Variants in KLF11 observed in about 807,000 individuals in gnomAD.
KLF11 encodes KLF transcription factor 11, also known as Krueppel-like factor 11.
In KLF11, 26 loss-of-function variants were observed where a neutral mutation model predicts 29.9. The observed-to-expected ratio is 0.87, with a 90% CI of 0.64 to 1.21. The LOEUF is 1.21. Ranked by LOEUF, KLF11 falls within the 50% of genes most tolerant of loss-of-function variation. The pLI is 0.00. For synonymous variants in KLF11, 318 were observed against 257.4 expected (o/e 1.24, Z -2.25); for missense variants, 778 against 665.7 (o/e 1.17, Z -1.86).
rs760532169 is a variant in KLF11, at chr2:10,047,632, T to A, written c.313-18T>A. The A allele has an allele frequency of 6.3e-7, 1 of 1,596,582 alleles. No individual in the cohort carries two copies. Among genetic ancestry groups the A allele is most frequent in the Non-Finnish European group, 8.6e-7 (1 of 1,166,108 alleles). On this transcript the variant is annotated intron_variant, in intron 2 of 3. Transcript: ENST00000305883. ...TAAAATTTAAAGCAACCTTTTAACATGGTACTTTTTTTTTTAGTGCATAAC... is the reference window on the plus strand; with the variant it reads ...TAAAATTTAAAGCAACCTTTTAACAAGGTACTTTTTTTTTTAGTGCATAAC...
In KLF11 at chr2:10,048,315, A is replaced by G; in HGVS notation, c.978A>G (p.Gln326=). ...TAGCTCAGGCTGCTCCAGCGCCTCA[A>G]CCTGTGTTCGTGGGACCTGCTGTGC... ...PILAQAAPAP[Q]PVFVGPAVPQ... Residue 326 remains glutamine (Q), a synonymous_variant, in exon 3 of 4, where the codon CAA becomes CAG. Transcript: ENST00000305883. 1 of 1,600,562 alleles carries G rather than the reference A, an allele frequency of 6.2e-7. No homozygotes were observed. Among genetic ancestry groups the G allele is most frequent in the East Asian group, 2.2e-5 (1 of 44,730 alleles).
intron 1 of KLF11, chr2:10,044,024 C>A: frequency 1.4e-6 from 1 of 722,996 alleles, no homozygotes; most frequent in Non-Finnish European, 1.7e-6. Context: ...GCCCCGCTGG[C>A]CCCGCGGCTA....
chr2:10,050,078 T>G (rs1013707174), intron 3 of KLF11, among the ~76,000 whole-genome samples: 1 of 152,236 alleles, frequency 6.6e-6, no homozygotes, highest in Non-Finnish European at 1.5e-5. Context: ...CTGCAGTGAT[T>G]GAAACAAGTT....
At chr2:10,051,302 A>C (rs1290574257) in intron 3 of KLF11, among the ~76,000 whole-genome samples, 4 of 151,616 alleles carry the variant, frequency 2.6e-5, no homozygotes, top group African/African-American at 9.7e-5. Flanking sequence ...TCCGCCTCCC[A>C]GGTTCAAGCG....
rs1424582541 is a variant in KLF11 at position 10,054,164 on chromosome 2, C to T, written c.*1657C>T. ...ACTCCATAGGTGAGTGTCGTGTCTT[C>T]GTGAGACAGCACAGTTGTCTCATGT... is the stretch of plus-strand genomic sequence containing the variant. On this transcript the variant is annotated 3_prime_UTR_variant, in exon 4 of 4. Transcript: ENST00000305883. 1 of 152,100 alleles carries T rather than the reference C, an allele frequency of 6.6e-6. No homozygotes were observed. The highest frequency in any genetic ancestry group is 2.4e-5 in the African/African-American group (1 of 41,388). The allele number at this position is 152,100 out of a possible 1,614,324, so 9.4% of individuals were successfully genotyped here.
In KLF11 at chr2:10,048,024, G is replaced by T. The variant is rs779620355; in HGVS notation, c.687G>T (p.Val229=). 1.2e-6 allele frequency: 2 copies of T among 1,614,174 alleles called. No individual in the cohort carries two copies. Among genetic ancestry groups the T allele is most frequent in the South Asian group, 1.1e-5 (1 of 91,086 alleles). ...ACAGTTTACTCAGCACTAACTTGGT[G>T]TCCTGTCAGCCCTGCTTGCACAAGT... is the stretch of plus-strand genomic sequence containing the variant. ...LTDSLLSTNL[V]SCQPCLHKSG... is the part of the protein sequence containing the mutation. Residue 229 remains valine (V), a synonymous_variant, in exon 3 of 4, where the codon GTG becomes GTT. Transcript: ENST00000305883.
At chr2:10,050,936 C>G (rs1190539955) in intron 3 of KLF11, among the ~76,000 whole-genome samples, 1 of 85,532 alleles carries the variant, frequency 1.2e-5, no homozygotes, top group Non-Finnish European at 2.1e-5. Flanking sequence ...GAATCTTGCT[C>G]TGTCGCCCAG....
intron 1 of KLF11, among the ~76,000 whole-genome samples, chr2:10,045,500 A>G (rs1311150215): frequency 6.6e-6 from 1 of 151,858 alleles, no homozygotes; most frequent in Non-Finnish European, 1.5e-5. Flanking sequence ...CTCAAAAAGA[A>G]AAAAAAAACT....
rs1661430760 is a variant in KLF11, at chr2:10,052,327, G to A, written c.1359G>A (p.Lys453=). 3 of 1,614,062 alleles carry A rather than the reference G, an allele frequency of 1.9e-6. No homozygotes were observed. Among genetic ancestry groups the A allele is most frequent in the South Asian group, 1.1e-5 (1 of 91,080 alleles). Residue 453 remains lysine (K), a synonymous_variant, in exon 4 of 4, where the codon AAG becomes AAA. Coordinates refer to ENST00000305883, the MANE Select transcript of KLF11 (RefSeq NM_003597.5). ...GCAGAACTCACACAGGGGAGAAGAA[G>A]TTTGTGTGCCCGGTGTGTGACCGAC... ...RHRRTHTGEK[K]FVCPVCDRRF...
chr2:10,049,898 C>T (rs1255493324), intron 3 of KLF11, among the ~76,000 whole-genome samples: 1 of 152,170 alleles, frequency 6.6e-6, no homozygotes, highest in Admixed American at 6.5e-5. Flanking sequence ...GGGAATTGAC[C>T]TGCCTGCCTC....
At chr2:10,045,562 G>T (rs114985642) in intron 1 of KLF11, among the ~76,000 whole-genome samples, 2 of 152,184 alleles carry the variant, frequency 1.3e-5, no homozygotes, top group Non-Finnish European at 2.9e-5. Flanking sequence ...GTCACCACCT[G>T]CTAGCCTTGG....
rs1661457710 is a variant in KLF11, at chr2:10,053,128, G to GT, written c.*625dup. ...ATTTTGCCGTCAGCTTCTTCATAAC[G>GT]TTTTCAAGGAAATTCTAGGCAATCA... On this transcript the variant is annotated 3_prime_UTR_variant, in exon 4 of 4. Coordinates refer to ENST00000305883, the MANE Select transcript of KLF11 (RefSeq NM_003597.5). The GT allele has an allele frequency of 2.5e-6, 1 of 398,064 alleles. No homozygotes were observed. The highest frequency in any genetic ancestry group is 4.4e-6 in the Non-Finnish European group (1 of 226,280). 24.7% of individuals were successfully genotyped at this position (398,064 alleles called of 1,614,324 possible). A position where few individuals can be genotyped will look rare whatever the true frequency, so the allele number is the denominator to read the frequency against.
Position 10,043,590 on chromosome 2 carries a change from G to T in KLF11, c.-127G>T. On this transcript the variant is annotated 5_prime_UTR_variant, in exon 1 of 4. Transcript: ENST00000305883. ...CCGGGGCAGAGCCGCGCGGGCGGGCGAGGCGCGTGCCGGCCGCAGGAGCTC... is the reference window on the plus strand; with the variant it reads ...CCGGGGCAGAGCCGCGCGGGCGGGCTAGGCGCGTGCCGGCCGCAGGAGCTC... The T allele has an allele frequency of 1.3e-5, 7 of 552,090 alleles. No homozygotes were observed. Among genetic ancestry groups the T allele is most frequent in the African/African-American group, 2.1e-5 (1 of 48,194 alleles). 34.2% of individuals were successfully genotyped at this position (552,090 alleles called of 1,614,324 possible). A position where few individuals can be genotyped will look rare whatever the true frequency, so the allele number is the denominator to read the frequency against.
intron 1 of KLF11, among the ~76,000 whole-genome samples, chr2:10,045,529 G>T (rs1273437940): frequency 6.6e-6 from 1 of 152,182 alleles, no homozygotes; most frequent in African/African-American, 2.4e-5. Flanking sequence ...ATCCTCTCCG[G>T]GTTCGCGGCA....
intron 1 of KLF11, chr2:10,044,343 A>T: frequency 1.0e-6 from 1 of 985,584 alleles, no homozygotes; most frequent in Non-Finnish European, 1.2e-6. Flanking sequence ...TGGGGGCCCT[A>T]AGCGTCGCGA....
chr2:10,048,408 T>C lies in KLF11; in HGVS notation c.1071T>C (p.Asn357=), dbSNP rs1441471781. Residue 357 remains asparagine (N), a synonymous_variant, in exon 3 of 4, where the codon AAT becomes AAC. Coordinates refer to ENST00000305883, the MANE Select transcript of KLF11 (RefSeq NM_003597.5). ...ALPPPAPCAA[N]VMAAGNTKLL... Reference sequence around the variant, plus strand: ...CTCCGCCTGCCCCCTGTGCAGCCAATGTCATGGCTGCCGGGAATACCAAGT... The same window carrying C: ...CTCCGCCTGCCCCCTGTGCAGCCAACGTCATGGCTGCCGGGAATACCAAGT... 2 of 1,614,062 alleles carry C rather than the reference T, an allele frequency of 1.2e-6. No individual in the cohort carries two copies. The highest frequency in any genetic ancestry group is 2.2e-5 in the East Asian group (1 of 44,888).
chr2:10,044,542 C>T (rs928129369), intron 1 of KLF11: 13 of 691,392 alleles, frequency 1.9e-5, no homozygotes, highest in East Asian at 1.3e-4. Context: ...GAGGTGGCCT[C>T]GTCTTGTTTG....
intron 3 of KLF11, among the ~76,000 whole-genome samples, chr2:10,048,845 T>C (rs1203055303): frequency 1.3e-5 from 2 of 152,104 alleles, no homozygotes; most frequent in Non-Finnish European, 2.9e-5. Flanking sequence ...ATTGTGTCTT[T>C]TGGTAGCTTT....
Position 10,048,008 on chromosome 2 carries a change from T to C in KLF11, c.671T>C (p.Leu224Pro), listed in dbSNP as rs148922317. ...GACACACACCTCACGGACAGTTTACTCAGCACTAACTTGGTGTCCTGTCAG... is the reference window on the plus strand; with the variant it reads ...GACACACACCTCACGGACAGTTTACCCAGCACTAACTTGGTGTCCTGTCAG... The part of the protein sequence containing the change: ...LQDTHLTDSL[L>P]STNLVSCQPC... The change falls in exon 3 of 4, where the codon CTC (leucine) becomes CCC (proline). Residue 224 changes from leucine to proline, a missense_variant. Transcript: ENST00000305883. 9.3e-6 allele frequency: 15 copies of C among 1,614,208 alleles called. No homozygotes were observed. The highest frequency in any genetic ancestry group is 1.2e-5 in the Non-Finnish European group (14 of 1,180,050).
Sources: gnomAD v4.1 joint callset for allele counts (sites outside exome capture counted in the v4.1 genomes callset) on GRCh38, gnomAD v4.1.1 for gene constraint, MANE v1.5 for transcripts, NCBI Gene and HGNC (gene_info 2026-07-23, HGNC 2026-07-21) for gene names.